CCDC63: variants seen among roughly 807,000 people sequenced by gnomAD.
CCDC63 encodes the protein coiled-coil domain-containing protein 63.
A neutral mutation model predicts 63.6 loss-of-function variants in CCDC63; 54 were observed. The ratio of observed to expected loss-of-function variants is 0.85; its 90% CI spans 0.68 to 1.07. The LOEUF is 1.07. Ranked by LOEUF, CCDC63 falls within the 50% of genes least tolerant of loss-of-function variation. The probability of loss-of-function intolerance (pLI) is 0.00; values close to 1 mark genes in which losing one functional copy is unlikely to be tolerated. For missense variants in CCDC63, 637 were observed against 689.6 expected (o/e 0.92, Z 0.86); for synonymous variants, 253 against 266.1 (o/e 0.95, Z 0.48).
At chr12:110,888,445 C>A (rs574961113) in intron 8 of CCDC63, among the ~76,000 whole-genome samples, 1 of 152,168 alleles carries the variant, frequency 6.6e-6, no homozygotes, top group South Asian at 2.1e-4. Flanking sequence ...GATGGGTAAG[C>A]GCTGCCCTCT....
At chr12:110,871,929 C>A (rs1474505811) in intron 4 of CCDC63, among the ~76,000 whole-genome samples, 3 of 152,106 alleles carry the variant, frequency 2.0e-5, no homozygotes, top group Non-Finnish European at 2.9e-5. Flanking sequence ...CTGCCAACAC[C>A]CTTTTTCAAC....
At chr12:110,867,479 C>T (rs1209370058) in intron 4 of CCDC63, among the ~76,000 whole-genome samples, 1 of 101,820 alleles carries the variant, frequency 9.8e-6, no homozygotes, top group East Asian at 3.1e-4. Flanking sequence ...GGCGGCCGGG[C>T]AGAGGCGCCC....
chr12:110,879,785 C>G, intron 5 of CCDC63, 121 bp from the exon 6 acceptor site: 1 of 917,392 alleles, frequency 1.1e-6, no homozygotes, highest in Non-Finnish European at 1.7e-6. Flanking sequence ...GCTCCAACCA[C>G]TCCTCCATGG....
In CCDC63 at chr12:110,881,282, C is replaced by T. The variant is rs148706349; in HGVS notation, c.839C>T (p.Ala280Val). The T allele has an allele frequency of 5.8e-5, 94 of 1,613,122 alleles. No individual in the cohort carries two copies. The highest frequency in any genetic ancestry group is 5.1e-4 in the African/African-American group (38 of 74,896). ...LNDRNEFEEQ[A>V]KREEALKAKK... ...GATCGCAATGAATTCGAGGAGCAGG[C>T]CAAAAGGGAGGAAGGTACACCCTCC... Residue 280 changes from alanine (A) to valine (V), a missense_variant, in exon 7 of 12, where the codon GCC (alanine) becomes GTC (valine). By Grantham distance (64) the Ala-to-Val change is moderately conservative. Coordinates refer to ENST00000308208, the MANE Select transcript of CCDC63 (RefSeq NM_152591.3).
chr12:110,880,817 G>A (rs1157956786), intron 6 of CCDC63, among the ~76,000 whole-genome samples: 3 of 7,266 alleles, frequency 4.1e-4, no homozygotes, highest in African/African-American at 1.5e-3. Context: ...TGATGGTGAT[G>A]GTAGTGATGG....
chr12:110,853,272 TC>T, intron 2 of CCDC63, 132 bp from the exon 3 acceptor site: 6 of 871,028 alleles, frequency 6.9e-6, no homozygotes, highest in South Asian at 1.8e-5. Flanking sequence ...GCAGCTGACA[TC>T]ACCCAAGGGA....
intron 4 of CCDC63, among the ~76,000 whole-genome samples, chr12:110,866,838 C>T (rs1234581267): frequency 6.7e-6 from 1 of 149,764 alleles, no homozygotes; most frequent in Non-Finnish European, 1.5e-5. Flanking sequence ...GTTGGGCACA[C>T]CTCCCAGACG....
At chr12:110,891,943 G>A (rs1396966872) in intron 8 of CCDC63, among the ~76,000 whole-genome samples, 4 of 152,200 alleles carry the variant, frequency 2.6e-5, no homozygotes, top group Non-Finnish European at 4.4e-5. Flanking sequence ...TTGGTCGGTC[G>A]AAAGGTGTGA....
At chr12:110,881,549 G>A (rs1463251755) in intron 7 of CCDC63, among the ~76,000 whole-genome samples, 2 of 152,004 alleles carry the variant, frequency 1.3e-5, no homozygotes, top group Non-Finnish European at 1.5e-5. Flanking sequence ...GTGAAACCCC[G>A]TCTCTACTAA....
chr12:110,864,994 G>A (rs1323439880), intron 4 of CCDC63, among the ~76,000 whole-genome samples: 1 of 152,192 alleles, frequency 6.6e-6, no homozygotes. Context: ...TTCAGGAGAT[G>A]TACCCTGTCC....
intron 4 of CCDC63, among the ~76,000 whole-genome samples, chr12:110,869,469 C>G (rs921429219): frequency 2.0e-5 from 3 of 152,150 alleles, no homozygotes; most frequent in Non-Finnish European, 2.9e-5. Flanking sequence ...GAAGGGCACT[C>G]TTCTTCAGAT....
chr12:110,881,223 C>A lies in CCDC63; in HGVS notation c.780C>A (p.Ser260Arg). 1.2e-6 allele frequency: 2 copies of A among 1,613,896 alleles called. No individual in the cohort carries two copies. The highest frequency in any genetic ancestry group is 1.7e-6 in the Non-Finnish European group (2 of 1,179,962). ...TGGAGCGTCTCTATGCCCATGAGAG[C>A]AAGCTCAAGTCCTTCCTGCTCGTCA... ...RELERLYAHE[S>R]KLKSFLLVKL... is the part of the protein sequence containing the mutation. Residue 260 changes from serine (S) to arginine (R), a missense_variant, in exon 7 of 12, where the codon AGC (serine) becomes AGA (arginine). Ser to Arg is a moderately radical substitution (Grantham distance 110). Coordinates refer to ENST00000308208, the MANE Select transcript of CCDC63 (RefSeq NM_152591.3).
At chr12:110,861,916 C>T (rs981211956) in intron 4 of CCDC63, among the ~76,000 whole-genome samples, 3 of 152,016 alleles carry the variant, frequency 2.0e-5, no homozygotes, top group Non-Finnish European at 4.4e-5. Flanking sequence ...TCTTTCCCCA[C>T]TAGATGTCCC....
chr12:110,858,912 C>G, intron 4 of CCDC63, 137 bp downstream of exon 4: 1 of 677,654 alleles, frequency 1.5e-6, no homozygotes, highest in Non-Finnish European at 2.5e-6. Context: ...CTAAATGTGA[C>G]TGCTGCTATC....
chr12:110,873,793 C>A, intron 4 of CCDC63, 49 bp from the exon 5 acceptor site: 1 of 1,603,130 alleles, frequency 6.2e-7, no homozygotes, highest in South Asian at 1.1e-5. Flanking sequence ...AACGGGTACC[C>A]ATACAGATGC....
intron 7 of CCDC63, among the ~76,000 whole-genome samples, chr12:110,882,165 C>T (rs1356547447): frequency 2.0e-5 from 3 of 152,190 alleles, no homozygotes; most frequent in Non-Finnish European, 4.4e-5. Context: ...CAAGTACAGT[C>T]ACACTGAGCA....
chr12:110,854,077 G>T (rs1031916206), intron 3 of CCDC63, among the ~76,000 whole-genome samples: 5 of 152,094 alleles, frequency 3.3e-5, no homozygotes, highest in African/African-American at 1.2e-4. Flanking sequence ...TGTGGCTTGA[G>T]AGGGCAAGGG....
intron 4 of CCDC63, among the ~76,000 whole-genome samples, chr12:110,867,410 C>A (rs1187394299): frequency 9.7e-5 from 12 of 123,674 alleles, no homozygotes; most frequent in Middle Eastern, 5.3e-3. Context: ...CTGACCCCCC[C>A]ATCTCCCTCC....
rs549855549 is a variant in CCDC63, at chr12:110,850,138, T to A, written c.-96-2721T>A. Among the ~76,000 whole-genome samples, 3 of 152,330 alleles carry A rather than the reference T, an allele frequency of 2.0e-5. No individual in the cohort carries two copies. In the East Asian group the frequency reaches 5.8e-4, roughly 29 times the overall value. On this transcript the variant is annotated intron_variant, in intron 1 of 11. Transcript: ENST00000308208. ...AGGATGTTCATGGTTGGCAGATGAC[T>A]TCTTCTACAAGTAGATCTGGGGACC... is the stretch of plus-strand genomic sequence containing the variant.
Sources: allele counts gnomAD v4.1 joint callset (sites outside exome capture counted in the v4.1 genomes callset), GRCh38; gene constraint gnomAD v4.1.1; transcripts MANE v1.5; gene names NCBI Gene and HGNC (gene_info 2026-07-23, HGNC 2026-07-21).